The following PHACTR4 variants were observed in gnomAD, a reference collection of about 807,000 sequenced individuals.
PHACTR4 encodes protein phosphatase 1, regulatory subunit 124.
PHACTR4 carries 51 observed loss-of-function variants against 72.7 expected under a neutral mutation model. That is an observed-to-expected ratio of 0.70 (90% CI 0.56 to 0.89). The LOEUF is 0.89. PHACTR4 is among the 40% of genes least tolerant of loss of function. PHACTR4 has a pLI of 0.00. For synonymous variants in PHACTR4, 255 were observed against 302.5 expected (o/e 0.84, Z 1.63); for missense variants, 731 against 861.8 (o/e 0.85, Z 1.90).
At chr1:28,466,996 C>CCT in intron 6 of PHACTR4, 2 of 497,466 alleles carry the variant, frequency 4.0e-6, no homozygotes, top group Non-Finnish European at 7.0e-6. Flanking sequence ...GGGTGGATCA[C>CCT]AAGGTCAGGA....
At chr1:28,476,543 ATTT>A (rs567564119) in intron 8 of PHACTR4, among the ~76,000 whole-genome samples, 4 of 133,306 alleles carry the variant, frequency 3.0e-5, no homozygotes, top group Admixed American at 7.6e-5. Flanking sequence ...TTTTGTTTTA[ATTT>A]TTTTTTTTTT....
intron 2 of PHACTR4, among the ~76,000 whole-genome samples, chr1:28,457,106 C>A (rs1214118552): frequency 6.6e-6 from 1 of 152,046 alleles, no homozygotes; most frequent in Non-Finnish European, 1.5e-5. Flanking sequence ...GTCTTCTGGG[C>A]ATAGCAAACT....
At position 28,473,303 on chromosome 1, in the gene PHACTR4, A is replaced by G. The variant is rs137967706; in HGVS notation, c.824-251A>G. On this transcript the variant is annotated intron_variant, in intron 6 of 13. Transcript: ENST00000373839. ...AAAAAAAAAAAAAAAAAAAATTGTC[A>G]TATCTGTTGCCATAGCAATGAAGTA... Among the ~76,000 whole-genome samples the G allele has an allele frequency of 1.2e-3, 181 of 150,870 alleles. 1 individual carries two copies. The highest frequency in any genetic ancestry group is 1.7e-3 in the African/African-American group (68 of 40,922).
In PHACTR4 at chr1:28,460,232, A is replaced by G. The variant is rs759482789; in HGVS notation, c.211A>G (p.Met71Val). The stretch of plus-strand genomic sequence containing the variant: ...GTTAGTTTTAGAACGGAAAATATCT[A>G]TGCGAAAGCCAAGAGAAGAGCTGGT... Reference protein sequence around the residue: ...TSEVLERKISMRKPREELVKR... With the variant: ...TSEVLERKISVRKPREELVKR... The change falls in exon 4 of 14, where the codon ATG becomes GTG. Residue 71 changes from methionine (M) to valine (V), a missense_variant. Met to Val is a conservative substitution (Grantham distance 21). Around this residue, in one of 2 missense-constraint regions of PHACTR4, gnomAD observed 621 missense variants for 676.6 expected, o/e 0.92. Coordinates refer to ENST00000373839, the MANE Select transcript of PHACTR4 (RefSeq NM_001048183.3). 1.2e-5 allele frequency: 20 copies of G among 1,613,580 alleles called. No homozygotes were observed. Among genetic ancestry groups the G allele is most frequent in the Non-Finnish European group, 1.4e-5 (17 of 1,179,724 alleles).
intron 6 of PHACTR4, among the ~76,000 whole-genome samples, chr1:28,467,763 G>A (rs941193397): frequency 4.6e-5 from 7 of 152,066 alleles, no homozygotes; most frequent in African/African-American, 1.7e-4. Flanking sequence ...ATAAGTGATG[G>A]TAGAGAAAGC....
At chr1:28,456,011 C>G (rs1658359587) in intron 2 of PHACTR4, among the ~76,000 whole-genome samples, 1 of 151,980 alleles carries the variant, frequency 6.6e-6, no homozygotes, top group Non-Finnish European at 1.5e-5. Context: ...TTTTTTTATA[C>G]ATATTTTGCT....
chr1:28,455,189 T>C (rs1176449933), intron 2 of PHACTR4, among the ~76,000 whole-genome samples: 1 of 105,028 alleles, frequency 9.5e-6, no homozygotes, highest in East Asian at 2.0e-4. Flanking sequence ...TTTTTCTTTT[T>C]CTTTCTTTCT....
At chr1:28,437,440 C>T (rs1656703347) in intron 2 of PHACTR4, among the ~76,000 whole-genome samples, 1 of 152,086 alleles carries the variant, frequency 6.6e-6, no homozygotes, top group African/African-American at 2.4e-5. Flanking sequence ...ATGTTACCCA[C>T]GCTGATCTCG....
intron 9 of PHACTR4, among the ~76,000 whole-genome samples, chr1:28,488,005 G>A (rs1233935917): frequency 6.6e-6 from 1 of 151,706 alleles, no homozygotes; most frequent in African/African-American, 2.4e-5. Flanking sequence ...CCAAAGTGCT[G>A]GGGATTACAT....
chr1:28,393,494 A>G (rs1557783402), intron 1 of PHACTR4, among the ~76,000 whole-genome samples: 1 of 152,242 alleles, frequency 6.6e-6, no homozygotes, highest in Non-Finnish European at 1.5e-5. Context: ...TGTAGCCATC[A>G]TGATGTTATA....
Position 28,415,003 on chromosome 1 carries a change from G to A in PHACTR4, c.16+7540G>A, listed in dbSNP as rs545536041. Among the ~76,000 whole-genome samples, 12 of 152,156 alleles carry A rather than the reference G, an allele frequency of 7.9e-5. No homozygotes were observed. The South Asian group carries it at 1.0e-3, about 13-fold the overall frequency. Reference sequence around the variant, plus strand: ...AGGCTGGGCGCGGTGGCTCACCCCCGTAATCCTAGCACTTTGGGAGGCCGA... The same window carrying A: ...AGGCTGGGCGCGGTGGCTCACCCCCATAATCCTAGCACTTTGGGAGGCCGA... On this transcript the variant is annotated intron_variant, in intron 2 of 13. Transcript: ENST00000373839.
At chr1:28,397,568 T>G (rs1166369990) in intron 1 of PHACTR4, among the ~76,000 whole-genome samples, 1 of 152,154 alleles carries the variant, frequency 6.6e-6, no homozygotes, top group Non-Finnish European at 1.5e-5. Context: ...AGGCAGAAAA[T>G]AATTTCATTC....
At chr1:28,474,279 G>A in intron 7 of PHACTR4, 128 bp downstream of exon 7, 1 of 853,488 alleles carries the variant, frequency 1.2e-6, no homozygotes, top group Non-Finnish European at 1.8e-6. Context: ...CAGCACTTTG[G>A]GAAGCTGAGG....
At chr1:28,396,558 G>A (rs975585053) in intron 1 of PHACTR4, among the ~76,000 whole-genome samples, 1 of 151,514 alleles carries the variant, frequency 6.6e-6, no homozygotes, top group African/African-American at 2.4e-5. Context: ...ATAAAGATGC[G>A]TGTAGATTAC....
At chr1:28,387,646 G>C (rs907328091) in intron 1 of PHACTR4, among the ~76,000 whole-genome samples, 2 of 152,108 alleles carry the variant, frequency 1.3e-5, no homozygotes, top group African/African-American at 2.4e-5. Context: ...AGCACTTTGC[G>C]GGGGCTGAGG....
At chr1:28,413,080 A>G (rs76467051) in intron 2 of PHACTR4, among the ~76,000 whole-genome samples, 3,032 of 152,280 alleles carry the variant, frequency 0.02, 98 homozygotes, top group African/African-American at 0.069. Flanking sequence ...GTCTGTAGAA[A>G]AATTGTCTTC....
Position 28,453,651 on chromosome 1 carries a change from C to T in PHACTR4, c.17-5434C>T, listed in dbSNP as rs1658144948. On this transcript the variant is annotated intron_variant, in intron 2 of 13. Transcript: ENST00000373839. ...ATAGAGAAGAGAGACTCGGTTCTAACATCCAAAAATCAGATTGAAAGATGG... is the reference window on the plus strand; with the variant it reads ...ATAGAGAAGAGAGACTCGGTTCTAATATCCAAAAATCAGATTGAAAGATGG... 3 of 1,289,142 alleles carry T rather than the reference C, an allele frequency of 2.3e-6. 1 individual carries two copies. In the South Asian group the frequency reaches 3.6e-5, roughly 15 times the overall value. The allele number at this position is 1,289,142 out of a possible 1,614,324, so 79.9% of individuals were successfully genotyped here. A position where few individuals can be genotyped will look rare whatever the true frequency, so the allele number is the denominator to read the frequency against.
chr1:28,396,322 A>G (rs934201424), intron 1 of PHACTR4, among the ~76,000 whole-genome samples: 7 of 151,810 alleles, frequency 4.6e-5, no homozygotes, highest in Non-Finnish European at 8.8e-5. Context: ...ATTTGAGGTC[A>G]GGAGTTCAAG....
chr1:28,380,959 T>C (rs1652113522), intron 1 of PHACTR4, among the ~76,000 whole-genome samples: 1 of 152,092 alleles, frequency 6.6e-6, no homozygotes, highest in Non-Finnish European at 1.5e-5. Context: ...CCACTGACAA[T>C]GTATAAGCAT....
Sources: gnomAD v4.1 joint callset for allele counts (sites outside exome capture counted in the v4.1 genomes callset) on GRCh38, gnomAD v4.1.1 for gene constraint, gnomAD v4.1.1 regional missense constraint, MANE v1.5 for transcripts, NCBI Gene and HGNC (gene_info 2026-07-23, HGNC 2026-07-21) for gene names.